The following SMIM36 variants were observed in gnomAD, a reference collection of about 807,000 sequenced individuals.
SMIM36 encodes small integral membrane protein 36.
intron 1 of SMIM36, among the ~76,000 whole-genome samples, chr17:55,483,660 CT>C (rs903956964): frequency 4.6e-5 from 7 of 152,060 alleles, no homozygotes; most frequent in Non-Finnish European, 8.8e-5. Flanking sequence ...GAACTAATTT[CT>C]TTTTTTGAGA....
At chr17:55,476,054 T>A (rs1909421213) in intron 3 of SMIM36, among the ~76,000 whole-genome samples, 1 of 152,188 alleles carries the variant, frequency 6.6e-6, no homozygotes, top group Admixed American at 6.5e-5. Context: ...GTTTTGTTTT[T>A]CTTATTAATA....
chr17:55,517,025 A>C, the SMIM36 span, among the ~76,000 whole-genome samples: 1 of 152,204 alleles, frequency 6.6e-6, no homozygotes, highest in Non-Finnish European at 1.5e-5. Context: ...CAAGGCAGAA[A>C]GGGTTCAGCT....
At chr17:55,476,863 G>A (rs895509005) in intron 3 of SMIM36, among the ~76,000 whole-genome samples, 1 of 152,144 alleles carries the variant, frequency 6.6e-6, no homozygotes, top group African/African-American at 2.4e-5. Flanking sequence ...CACCATGCCC[G>A]GCCAAGATGA....
intron 3 of SMIM36, among the ~76,000 whole-genome samples, chr17:55,472,051 C>A (rs141674227): frequency 2.4e-3 from 366 of 152,298 alleles, no homozygotes; most frequent in African/African-American, 8.5e-3. Context: ...AACTATTACC[C>A]ATGGGCCTGA....
intron 1 of SMIM36, among the ~76,000 whole-genome samples, chr17:55,490,485 T>C (rs1396751575): frequency 6.6e-6 from 1 of 152,140 alleles, no homozygotes; most frequent in Admixed American, 6.6e-5. Context: ...TAATTTTAAC[T>C]CTTGGTTTGT....
At chr17:55,483,372 GC>G (rs1909551206) in intron 1 of SMIM36, among the ~76,000 whole-genome samples, 1 of 152,150 alleles carries the variant, frequency 6.6e-6, no homozygotes, top group Non-Finnish European at 1.5e-5. Flanking sequence ...CATCAACTTA[GC>G]TAGGCCACAG....
chr17:55,463,414 A>C (rs1909179403), intron 4 of SMIM36, among the ~76,000 whole-genome samples: 1 of 152,132 alleles, frequency 6.6e-6, no homozygotes, highest in South Asian at 2.1e-4. Flanking sequence ...AAAAATTGTC[A>C]GCCATGGTGG....
Position 55,492,086 on chromosome 17 carries a change from G to T in SMIM36, c.*175-12506C>A, listed in dbSNP as rs540063328. ...AGGCAGGAGAATGGCGTGAACCAGG[G>T]AGGCAGAGCTTGCAGTGAGCTGAGA... On this transcript the variant is annotated intron_variant, in intron 1 of 4. Transcript: ENST00000636752. 5.9e-5 allele frequency among the ~76,000 whole-genome samples: 9 copies of T among 151,558 alleles called. No homozygotes were observed. In the South Asian group the frequency reaches 1.9e-3, roughly 32 times the overall value.
At chr17:55,508,431 A>AAAATATATATAT (rs1555623044) in intron 1 of SMIM36, among the ~76,000 whole-genome samples, 2 of 114,314 alleles carry the variant, frequency 1.7e-5, no homozygotes, top group African/African-American at 7.0e-5. Context: ...TATTCCTAGG[A>AAAATATATATAT]ATATATATAT....
chr17:55,522,988 T>TA, the SMIM36 span, among the ~76,000 whole-genome samples: 27 of 152,144 alleles, frequency 1.8e-4, no homozygotes, highest in East Asian at 1.5e-3. Context: ...ATAATGGTGA[T>TA]AAAAAAAGAT....
chr17:55,488,651 A>G (rs954624154), intron 1 of SMIM36, among the ~76,000 whole-genome samples: 1 of 152,236 alleles, frequency 6.6e-6, no homozygotes, highest in African/African-American at 2.4e-5. Flanking sequence ...AAGATGCACC[A>G]TATGTTATTA....
the SMIM36 span, among the ~76,000 whole-genome samples, chr17:55,522,337 A>C: frequency 4.1e-4 from 63 of 152,186 alleles, no homozygotes; most frequent in Non-Finnish European, 7.1e-4. Flanking sequence ...ATTCCTTATA[A>C]AAGAAAAACC....
intron 1 of SMIM36, among the ~76,000 whole-genome samples, chr17:55,482,640 G>T (rs1463391690): frequency 6.6e-6 from 1 of 152,178 alleles, no homozygotes; most frequent in Non-Finnish European, 1.5e-5. Flanking sequence ...AGTGTTTGTT[G>T]AATGGATAAC....
intron 4 of SMIM36, among the ~76,000 whole-genome samples, chr17:55,463,419 T>C (rs1395098383): frequency 3.3e-5 from 5 of 152,066 alleles, no homozygotes; most frequent in Non-Finnish European, 4.4e-5. Context: ...TTGTCAGCCA[T>C]GGTGGCACAA....
intron 3 of SMIM36, among the ~76,000 whole-genome samples, chr17:55,472,265 CCTCCAT>C (rs1490795943): frequency 4.6e-5 from 7 of 152,230 alleles, no homozygotes; most frequent in African/African-American, 1.7e-4. Flanking sequence ...ATGTCCCACA[CCTCCAT>C]TATCGAAGCT....
At chr17:55,509,372 C>T (rs896555320) in intron 1 of SMIM36, among the ~76,000 whole-genome samples, 1 of 152,198 alleles carries the variant, frequency 6.6e-6, no homozygotes, top group African/African-American at 2.4e-5. Flanking sequence ...CTTCAAGATT[C>T]CAACATACTT....
intron 1 of SMIM36, among the ~76,000 whole-genome samples, chr17:55,500,454 G>T (rs1452772169): frequency 1.3e-5 from 2 of 151,910 alleles, no homozygotes; most frequent in African/African-American, 4.8e-5. Flanking sequence ...GTTCTTACAA[G>T]ATTCTAAGGC....
chr17:55,524,855 C>T, the SMIM36 span, among the ~76,000 whole-genome samples: 2 of 152,184 alleles, frequency 1.3e-5, no homozygotes, highest in Non-Finnish European at 2.9e-5. Context: ...GGTGGGCTAT[C>T]ATTACATTGT....
In SMIM36 at chr17:55,452,581, A is replaced by G. The variant is rs533710883; in HGVS notation, c.*532-2283T>C. Among the ~76,000 whole-genome samples, 7 of 152,318 alleles carry G rather than the reference A, an allele frequency of 4.6e-5. No homozygotes were observed. In the South Asian group the frequency reaches 1.4e-3, roughly 32 times the overall value. Reference sequence around the variant, plus strand: ...TGGACAAATCAAGAGCTTGCCATGAACAGCACACAGAAAGATCCAGCTCTG... The same window carrying G: ...TGGACAAATCAAGAGCTTGCCATGAGCAGCACACAGAAAGATCCAGCTCTG... On this transcript the variant is annotated intron_variant, in intron 4 of 4. Transcript: ENST00000636752.
Sources: allele counts gnomAD v4.1 joint callset (sites outside exome capture counted in the v4.1 genomes callset), GRCh38; gene constraint gnomAD v4.1.1; transcripts MANE v1.5; gene names NCBI Gene and HGNC (gene_info 2026-07-23, HGNC 2026-07-21).